Variants in MAGEC3 observed in about 807,000 individuals in gnomAD.
The protein encoded by MAGEC3 is melanoma-associated antigen C3.
In MAGEC3, 34 loss-of-function variants were observed where a neutral mutation model predicts 35.3. The ratio of observed to expected loss-of-function variants is 0.96; its 90% CI spans 0.73 to 1.28. The LOEUF is 1.28. Ranked by LOEUF, MAGEC3 falls within the 50% of genes most tolerant of loss-of-function variation. The pLI, the probability that MAGEC3 is intolerant of heterozygous loss-of-function variation, is 0.00. For synonymous variants in MAGEC3, 202 were observed against 185.6 expected, an observed-to-expected ratio of 1.09 and a Z score of -0.72; for missense variants, 561 against 483.6, an observed-to-expected ratio of 1.16 and a Z score of -1.50.
intron 7 of MAGEC3, 31 bp from the exon 8 acceptor site, chrX:141,897,598 C>T (rs1340526019): frequency 8.3e-7 from 1 of 1,198,743 alleles, no homozygotes; most frequent in East Asian, 3.0e-5. Context: ...CAGTGCTCCT[C>T]CACGTTATGA....
intron 2 of MAGEC3, among the ~76,000 whole-genome samples, chrX:141,865,820 A>C (rs2017845112): frequency 9.0e-6 from 1 of 111,571 alleles, no homozygotes. Flanking sequence ...AGCATGCATT[A>C]AGGTGAGAAT....
At chrX:141,845,049 T>C (rs2017708187) in intron 1 of MAGEC3, among the ~76,000 whole-genome samples, 1 of 111,072 alleles carries the variant, frequency 9.0e-6, no homozygotes, top group African/African-American at 3.3e-5. Flanking sequence ...TTTTGAGTAA[T>C]ATAAAAAGGT....
At chrX:141,856,122 A>G (rs896349298) in intron 1 of MAGEC3, among the ~76,000 whole-genome samples, 1 of 111,689 alleles carries the variant, frequency 9.0e-6, no homozygotes, top group Admixed American at 9.5e-5. Flanking sequence ...ATGTGGCTGG[A>G]TGAATCCATC....
At chrX:141,839,485 T>C (rs2017673637) in intron 1 of MAGEC3, 1 of 752,274 alleles carries the variant, frequency 1.3e-6, no homozygotes, top group Non-Finnish European at 1.6e-6. Context: ...TGATTATATC[T>C]TGAGGTCAAA....
chrX:141,880,921 A>G (rs1221962496), intron 3 of MAGEC3: 3 of 755,149 alleles, frequency 4.0e-6, no homozygotes, highest in Non-Finnish European at 6.1e-6. Context: ...GGCCTGTTGG[A>G]TGCCATCATC....
At chrX:141,884,833 T>C (rs2017990833) in intron 4 of MAGEC3, among the ~76,000 whole-genome samples, 1 of 111,840 alleles carries the variant, frequency 8.9e-6, no homozygotes, top group Non-Finnish European at 1.9e-5. Context: ...GGTTGGTTGC[T>C]CCTAAATGCA....
Position 141,897,744 on chromosome X carries a change from C to T in MAGEC3, c.1844C>T (p.Ala615Val). ...MDALKDMEDR[A>V]QAIIDTTDDA... The stretch of plus-strand genomic sequence containing the variant: ...GCTTTGAAAGATATGGAAGACAGAG[C>T]CCAGGCCATAATTGACACCACAGAT... Residue 615 changes from alanine to valine, a missense_variant, in exon 8 of 8, where the codon GCC becomes GTC. Transcript: ENST00000298296. 1 of 1,211,431 alleles carries T rather than the reference C, an allele frequency of 8.3e-7. No individual in the cohort carries two copies. Among genetic ancestry groups the T allele is most frequent in the Non-Finnish European group, 1.1e-6 (1 of 895,365 alleles).
At chrX:141,850,265 A>G (rs147175023) in intron 1 of MAGEC3, among the ~76,000 whole-genome samples, 1,817 of 110,489 alleles carry the variant, frequency 0.016, 47 homozygotes, top group African/African-American at 0.057. Context: ...AAAACCACCT[A>G]TTGGGTACTA....
intron 2 of MAGEC3, among the ~76,000 whole-genome samples, chrX:141,867,046 A>C (rs1217453328): frequency 2.7e-5 from 3 of 111,045 alleles, no homozygotes; most frequent in Non-Finnish European, 5.7e-5. Flanking sequence ...GAAAAAAAAA[A>C]ACCACCACTA....
intron 2 of MAGEC3, among the ~76,000 whole-genome samples, chrX:141,875,439 C>T (rs760264811): frequency 3.6e-5 from 4 of 111,299 alleles, no homozygotes; most frequent in Admixed American, 1.9e-4. Flanking sequence ...CAAACCTGTG[C>T]GCAAAACATC....
At chrX:141,848,030 T>C (rs1206464661) in intron 1 of MAGEC3, among the ~76,000 whole-genome samples, 2 of 110,135 alleles carry the variant, frequency 1.8e-5, no homozygotes, top group Non-Finnish European at 3.8e-5. Context: ...AACAGGACCA[T>C]CAACAGGGTA....
At chrX:141,880,047 C>T (rs1344235232) in intron 3 of MAGEC3, among the ~76,000 whole-genome samples, 2 of 110,762 alleles carry the variant, frequency 1.8e-5, no homozygotes, top group Non-Finnish European at 1.9e-5. Flanking sequence ...TCAGGCTGAG[C>T]GGCAGCCCTC....
chrX:141,872,697 A>G (rs186172663), intron 2 of MAGEC3, among the ~76,000 whole-genome samples: 1,209 of 110,713 alleles, frequency 0.011, 15 homozygotes, highest in African/African-American at 0.036. Context: ...GAGAGAGAGA[A>G]AGACGGAGGA....
At chrX:141,851,448 G>C (rs1390061792) in intron 1 of MAGEC3, among the ~76,000 whole-genome samples, 1 of 110,038 alleles carries the variant, frequency 9.1e-6, no homozygotes, top group Non-Finnish European at 1.9e-5. Flanking sequence ...TGTCTTATGT[G>C]GGTTGTGCTT....
chrX:141,873,365 G>A (rs2017900527), intron 2 of MAGEC3, among the ~76,000 whole-genome samples: 1 of 110,621 alleles, frequency 9.0e-6, no homozygotes, highest in South Asian at 3.9e-4. Flanking sequence ...GTTTTACTGG[G>A]GCCCATTGTA....
At position 141,879,248 on chromosome X, in the gene MAGEC3, A is replaced by G. The variant is rs1472222363; in HGVS notation, c.332A>G (p.Lys111Arg). The change falls in exon 3 of 8, where the codon AAG becomes AGG. Residue 111 changes from lysine (K) to arginine (R), a missense_variant. Physicochemically the swap from Lys to Arg is conservative, Grantham distance 26 (BLOSUM62 2). Coordinates refer to ENST00000298296, the MANE Select transcript of MAGEC3 (RefSeq NM_138702.1). ...DLHFGSQPEG[K>R]FSLRRAVSVK... is the part of the protein sequence containing the mutation. ...CATTTTGGGAGTCAGCCGGAGGGGA[A>G]GTTTTCTCTGAGGAGGGCAGTTTCA... 4.1e-6 allele frequency: 5 copies of G among 1,205,403 alleles called. No individual in the cohort carries two copies. Among genetic ancestry groups the G allele is most frequent in the East Asian group, 5.9e-5 (2 of 33,643 alleles).
At chrX:141,892,544 C>A (rs959817853) in intron 4 of MAGEC3, among the ~76,000 whole-genome samples, 2 of 110,978 alleles carry the variant, frequency 1.8e-5, no homozygotes, top group African/African-American at 3.3e-5. Context: ...CCAATTAATT[C>A]TCTCACATTA....
Position 141,883,551 on chromosome X carries a change from G to T in MAGEC3, c.909+1755G>T, listed in dbSNP as rs377280838. 8.0e-5 allele frequency among the ~76,000 whole-genome samples: 9 copies of T among 112,139 alleles called. No individual in the cohort carries two copies. In the East Asian group the frequency reaches 1.1e-3, roughly 14 times the overall value. On this transcript the variant is annotated intron_variant, in intron 4 of 7. Coordinates refer to ENST00000298296, the MANE Select transcript of MAGEC3 (RefSeq NM_138702.1). ...TGCCACATAATATACTGGTTCTAGG[G>T]ATGTAATCTTAGGGTAAGAGATAGA...
At chrX:141,840,523 T>C (rs2017679667) in intron 1 of MAGEC3, among the ~76,000 whole-genome samples, 1 of 111,863 alleles carries the variant, frequency 8.9e-6, no homozygotes, top group Non-Finnish European at 1.9e-5. Flanking sequence ...TTCAGACCTC[T>C]TTAAGAACAT....
Sources: gnomAD v4.1 joint callset for allele counts (sites outside exome capture counted in the v4.1 genomes callset) on GRCh38, gnomAD v4.1.1 for gene constraint, MANE v1.5 for transcripts, NCBI Gene and HGNC (gene_info 2026-07-23, HGNC 2026-07-21) for gene names.